CADM2: variants seen among roughly 807,000 people sequenced by gnomAD.
The protein encoded by CADM2 is cell adhesion molecule 2.
A neutral mutation model predicts 49.8 loss-of-function variants in CADM2; 12 were observed. The ratio of observed to expected loss-of-function variants is 0.24; its 90% CI spans 0.15 to 0.39. The LOEUF is 0.39. Among genes scored for constraint, CADM2 ranks in the 10% least tolerant of loss-of-function variants. The pLI is 1.00. For missense variants in CADM2, 378 were observed against 492.3 expected (o/e 0.77, Z 2.20); for synonymous variants, 214 against 175.4 (o/e 1.22, Z -1.74).
At chr3:84,992,252 T>A (rs1398298395) in intron 1 of CADM2, among the ~76,000 whole-genome samples, 1 of 152,160 alleles carries the variant, frequency 6.6e-6, no homozygotes, top group East Asian at 1.9e-4. Flanking sequence ...TTAAAACTAC[T>A]CCAAAAACAA....
chr3:85,304,031 T>C (rs1232545244), intron 1 of CADM2, among the ~76,000 whole-genome samples: 2 of 151,926 alleles, frequency 1.3e-5, no homozygotes, highest in Non-Finnish European at 2.9e-5. Context: ...AAAAATGGGC[T>C]ATTGTATTTC....
intron 1 of CADM2, among the ~76,000 whole-genome samples, chr3:85,132,398 GT>G (rs1164605311): frequency 1.3e-5 from 2 of 152,120 alleles, no homozygotes; most frequent in Non-Finnish European, 2.9e-5. Flanking sequence ...TTGAGGTTTG[GT>G]TTTACAGGTA....
chr3:85,401,351 A>G (rs2035100115), intron 1 of CADM2, among the ~76,000 whole-genome samples: 1 of 152,180 alleles, frequency 6.6e-6, no homozygotes, highest in Non-Finnish European at 1.5e-5. Context: ...TAGAAGCAAG[A>G]TTCAGTTTAA....
At chr3:85,112,210 T>C (rs2038483751) in intron 1 of CADM2, among the ~76,000 whole-genome samples, 1 of 151,936 alleles carries the variant, frequency 6.6e-6, no homozygotes, top group South Asian at 2.1e-4. Context: ...TAGATCCATA[T>C]ATCCTTCTCA....
chr3:85,243,074 G>A (rs2042567016), intron 1 of CADM2, among the ~76,000 whole-genome samples: 1 of 151,870 alleles, frequency 6.6e-6, no homozygotes, highest in Non-Finnish European at 1.5e-5. Context: ...AAGAATAGAT[G>A]TGCACCACAA....
chr3:86,066,870 G>A lies in CADM2; in HGVS notation c.*87G>A. The A allele has an allele frequency of 3.4e-6, 3 of 875,558 alleles. No individual in the cohort carries two copies. The highest frequency in any genetic ancestry group is 5.8e-6 in the Non-Finnish European group (3 of 521,086). 54.2% of individuals were successfully genotyped at this position (875,558 alleles called of 1,614,324 possible). A position where few individuals can be genotyped will look rare whatever the true frequency, so the allele number is the denominator to read the frequency against. On this transcript the variant is annotated 3_prime_UTR_variant, in exon 10 of 10. Coordinates refer to ENST00000383699, the MANE Select transcript of CADM2 (RefSeq NM_001167675.2). ...TCTTTCAGAAGTCATTTCTACCATC[G>A]TCTGCTACCCTTATTAACTCCCATA...
intron 8 of CADM2, among the ~76,000 whole-genome samples, chr3:85,996,541 G>A (rs1196358075): frequency 6.6e-6 from 1 of 151,826 alleles, no homozygotes; most frequent in Non-Finnish European, 1.5e-5. Flanking sequence ...AGTTAATTTA[G>A]AAAATCAAAT....
chr3:85,702,146 T>G (rs997748256), intron 1 of CADM2, among the ~76,000 whole-genome samples: 9 of 152,118 alleles, frequency 5.9e-5, no homozygotes, highest in African/African-American at 2.2e-4. Context: ...ACAAGCATGC[T>G]TTTATTCTTG....
chr3:85,043,045 A>G (rs2035503537), intron 1 of CADM2, among the ~76,000 whole-genome samples: 1 of 152,170 alleles, frequency 6.6e-6, no homozygotes, highest in Admixed American at 6.5e-5. Flanking sequence ...CATTTGAGCT[A>G]GGGGTAGTAA....
At chr3:85,018,711 G>T (rs552426093) in intron 1 of CADM2, among the ~76,000 whole-genome samples, 28 of 152,138 alleles carry the variant, frequency 1.8e-4, no homozygotes, top group Admixed American at 1.6e-3. Context: ...GCCTTTTATA[G>T]CTTCCTTATA....
intron 1 of CADM2, among the ~76,000 whole-genome samples, chr3:85,396,989 A>C (rs2034823807): frequency 6.6e-6 from 1 of 152,128 alleles, no homozygotes; most frequent in Non-Finnish European, 1.5e-5. Context: ...GAATGAGAGA[A>C]AATATTTGCA....
chr3:85,879,616 G>C (rs1447366510), intron 3 of CADM2, among the ~76,000 whole-genome samples: 1 of 152,006 alleles, frequency 6.6e-6, no homozygotes, highest in African/African-American at 2.4e-5. Context: ...TTTAAGCTTT[G>C]ATATCCTAAC....
At chr3:85,217,692 G>A (rs991955766) in intron 1 of CADM2, among the ~76,000 whole-genome samples, 2 of 151,968 alleles carry the variant, frequency 1.3e-5, no homozygotes, top group South Asian at 2.1e-4. Flanking sequence ...ATCACTTGTG[G>A]CCACTTAGTG....
intron 1 of CADM2, among the ~76,000 whole-genome samples, chr3:85,482,519 G>A (rs2039255937): frequency 6.6e-6 from 1 of 151,746 alleles, no homozygotes; most frequent in African/African-American, 2.4e-5. Flanking sequence ...TTTTTGCTAA[G>A]TGTATTCCTG....
chr3:85,627,242 G>A (rs1291165586), intron 1 of CADM2, among the ~76,000 whole-genome samples: 1 of 151,826 alleles, frequency 6.6e-6, no homozygotes, highest in African/African-American at 2.4e-5. Flanking sequence ...TGAGTTTCCC[G>A]ACTCTGGCTT....
chr3:85,377,213 G>T (rs1374412871), intron 1 of CADM2, among the ~76,000 whole-genome samples: 3 of 152,010 alleles, frequency 2.0e-5, no homozygotes, highest in African/African-American at 7.2e-5. Context: ...CTTTGTTGAG[G>T]TTTTATTTTG....
At chr3:85,649,912 G>A (rs1451992747) in intron 1 of CADM2, among the ~76,000 whole-genome samples, 1 of 152,096 alleles carries the variant, frequency 6.6e-6, no homozygotes, top group Admixed American at 6.6e-5. Context: ...TGTGGAAGAG[G>A]ATTAGTGAGA....
chr3:85,615,639 C>T (rs998303724), intron 1 of CADM2, among the ~76,000 whole-genome samples: 2 of 151,370 alleles, frequency 1.3e-5, no homozygotes, highest in Non-Finnish European at 3.0e-5. Flanking sequence ...ATAATGATGA[C>T]ACTTTTCTAG....
intron 1 of CADM2, among the ~76,000 whole-genome samples, chr3:85,718,958 G>A (rs902683445): frequency 6.7e-6 from 1 of 150,034 alleles, no homozygotes; most frequent in African/African-American, 2.4e-5. Context: ...TGTCAGCCAG[G>A]CTGGAGTGCA....
Sources: gnomAD v4.1 joint callset for allele counts (sites outside exome capture counted in the v4.1 genomes callset) on GRCh38, gnomAD v4.1.1 for gene constraint, MANE v1.5 for transcripts, NCBI Gene and HGNC (gene_info 2026-07-23, HGNC 2026-07-21) for gene names.